CDH13: variants seen among roughly 807,000 people sequenced by gnomAD.
CDH13 encodes cadherin 13, also known as cadherin-13.
CDH13 carries 24 observed loss-of-function variants against 63.8 expected under a neutral mutation model. The observed-to-expected ratio is 0.38, with a 90% CI of 0.27 to 0.53. The LOEUF is 0.53. Ranked by LOEUF, CDH13 falls within the 20% of genes least tolerant of loss-of-function variation. The pLI, the probability that CDH13 is intolerant of heterozygous loss-of-function variation, is 0.85. For missense variants in CDH13, 1,049 were observed against 903.1 expected (o/e 1.16, Z -2.07); for synonymous variants, 503 against 355.3 (o/e 1.42, Z -4.67).
intron 6 of CDH13, among the ~76,000 whole-genome samples, chr16:83,392,150 A>T (rs1300046591): frequency 6.6e-6 from 1 of 152,138 alleles, no homozygotes; most frequent in Non-Finnish European, 1.5e-5. Flanking sequence ...CCTGCCTTGA[A>T]TGACTTCGGT....
chr16:82,974,500 A>T (rs1202489220), intron 2 of CDH13, among the ~76,000 whole-genome samples: 1 of 152,200 alleles, frequency 6.6e-6, no homozygotes, highest in East Asian at 1.9e-4. Context: ...GACAGGCAGA[A>T]TAATGACCCC....
At chr16:82,688,789 A>T (rs931590175) in intron 1 of CDH13, 2 of 152,228 alleles carry the variant, frequency 1.3e-5, no homozygotes, top group Non-Finnish European at 2.9e-5. Context: ...TAAGGTAAGA[A>T]AAATGGAGAG....
chr16:83,472,103 T>G (rs1242913831), intron 6 of CDH13, among the ~76,000 whole-genome samples: 1 of 152,310 alleles, frequency 6.6e-6, no homozygotes, highest in Non-Finnish European at 1.5e-5. Flanking sequence ...GAATGTTACA[T>G]GTAGTCACTC....
chr16:83,062,049 C>G (rs2031601352), intron 3 of CDH13, among the ~76,000 whole-genome samples: 2 of 152,168 alleles, frequency 1.3e-5, no homozygotes, highest in South Asian at 2.1e-4. Context: ...CGGATGCTAT[C>G]AGGATGGCTG....
At chr16:83,533,285 T>C (rs2151635548) in intron 7 of CDH13, among the ~76,000 whole-genome samples, 1 of 152,188 alleles carries the variant, frequency 6.6e-6, no homozygotes, top group Middle Eastern at 3.4e-3. Flanking sequence ...GCTCGGAAAA[T>C]CTCAACTCAG....
chr16:83,147,537 A>G (rs572698732), intron 4 of CDH13, among the ~76,000 whole-genome samples: 29 of 152,160 alleles, frequency 1.9e-4, no homozygotes, highest in African/African-American at 5.8e-4. Flanking sequence ...TTTCACGACT[A>G]TCTTATCACA....
At chr16:83,137,534 A>G (rs2036342966) in intron 4 of CDH13, among the ~76,000 whole-genome samples, 1 of 152,222 alleles carries the variant, frequency 6.6e-6, no homozygotes, top group Non-Finnish European at 1.5e-5. Flanking sequence ...TTGTCTGGCA[A>G]GAAAAGCCAC....
chr16:82,634,125 G>T (rs1378637809), intron 1 of CDH13, among the ~76,000 whole-genome samples: 1 of 152,236 alleles, frequency 6.6e-6, no homozygotes, highest in East Asian at 1.9e-4. Context: ...CCGGGCTGGG[G>T]CGGAGGGCAG....
chr16:83,504,469 A>T (rs1334483681), intron 7 of CDH13, among the ~76,000 whole-genome samples: 1 of 152,232 alleles, frequency 6.6e-6, no homozygotes. Context: ...CAGTGTCGCT[A>T]CCACTGGGAC....
At chr16:83,633,949 C>G (rs1598398237) in intron 8 of CDH13, among the ~76,000 whole-genome samples, 1 of 152,174 alleles carries the variant, frequency 6.6e-6, no homozygotes, top group African/African-American at 2.4e-5. Flanking sequence ...CACAGGCTCA[C>G]AGAAGTTGCA....
chr16:83,271,422 TAAAA>T (rs56382330), intron 5 of CDH13, among the ~76,000 whole-genome samples: 50 of 26,024 alleles, frequency 1.9e-3, no homozygotes, highest in South Asian at 4.1e-3. Context: ...GCAGAGTTCA[TAAAA>T]AAAAAAAAAA....
At chr16:82,829,996 T>C (rs1486737436) in intron 1 of CDH13, among the ~76,000 whole-genome samples, 1 of 152,218 alleles carries the variant, frequency 6.6e-6, no homozygotes. Context: ...TTTGCTGAAC[T>C]TTCTTCCTTT....
intron 2 of CDH13, among the ~76,000 whole-genome samples, chr16:82,860,834 G>A (rs1597827468): frequency 6.6e-6 from 1 of 152,114 alleles, no homozygotes; most frequent in South Asian, 2.1e-4. Context: ...TAGTAGCAGT[G>A]CTTTGCTTTA....
chr16:83,086,109 G>A (rs1033281671), intron 3 of CDH13, among the ~76,000 whole-genome samples: 2 of 152,200 alleles, frequency 1.3e-5, no homozygotes, highest in Admixed American at 6.5e-5. Flanking sequence ...GGTGGCCTAA[G>A]TGCAAAATGG....
chr16:82,694,570 G>A (rs2030027105), intron 1 of CDH13, among the ~76,000 whole-genome samples: 1 of 151,972 alleles, frequency 6.6e-6, no homozygotes, highest in African/African-American at 2.4e-5. Context: ...TTCCTCCCAG[G>A]CCCATTCCCA....
intron 8 of CDH13, among the ~76,000 whole-genome samples, chr16:83,666,191 T>C (rs1038516917): frequency 1.3e-5 from 2 of 152,354 alleles, no homozygotes; most frequent in Admixed American, 1.3e-4. Flanking sequence ...TGTTTTTAAA[T>C]CACAAAGTGA....
chr16:83,431,323 A>C (rs2072099831), intron 6 of CDH13, among the ~76,000 whole-genome samples: 1 of 151,930 alleles, frequency 6.6e-6, no homozygotes, highest in African/African-American at 2.4e-5. Context: ...GGCTGCGTTG[A>C]GGAGACAACC....
At chr16:82,932,384 T>G (rs1000848810) in intron 2 of CDH13, among the ~76,000 whole-genome samples, 1 of 152,196 alleles carries the variant, frequency 6.6e-6, no homozygotes, top group Non-Finnish European at 1.5e-5. Context: ...CAACAACCGC[T>G]GAAGAGGTAA....
At chr16:82,946,720 C>CAAAAAAAAA (rs55633638) in intron 2 of CDH13, among the ~76,000 whole-genome samples, 323 of 148,944 alleles carry the variant, frequency 2.2e-3, no homozygotes, top group African/African-American at 7.1e-3. Context: ...AACTCTGTCT[C>CAAAAAAAAA]AAAAAAAAGA....
Sources: allele counts gnomAD v4.1 joint callset (sites outside exome capture counted in the v4.1 genomes callset), GRCh38; gene constraint gnomAD v4.1.1; transcripts MANE v1.5; gene names NCBI Gene and HGNC (gene_info 2026-07-23, HGNC 2026-07-21).